ADGRL3: variants seen among roughly 807,000 people sequenced by gnomAD.
ADGRL3 encodes the protein calcium-independent alpha-latrotoxin receptor 3.
In ADGRL3, 62 loss-of-function variants were observed where a neutral mutation model predicts 153.5. The observed-to-expected ratio is 0.40, with a 90% CI of 0.33 to 0.50. The LOEUF (loss-of-function observed/expected upper bound fraction) is 0.50, where lower values mean the gene tolerates loss of function less well. Ranked by LOEUF, ADGRL3 falls within the 20% of genes least tolerant of loss-of-function variation. ADGRL3 has a pLI of 0.47. For missense variants in ADGRL3, 1,641 were observed against 1,859.4 expected (o/e 0.88, Z 2.16); for synonymous variants, 710 against 672.5 (o/e 1.06, Z -0.86).
intron 1 of ADGRL3, among the ~76,000 whole-genome samples, chr4:61,270,083 A>G (rs1271246618): frequency 9.2e-5 from 14 of 151,772 alleles, no homozygotes; most frequent in Admixed American, 9.2e-4. Context: ...TAATAGACAT[A>G]CTGATTTGTT....
At chr4:61,439,615 C>T (rs576620498) in intron 2 of ADGRL3, among the ~76,000 whole-genome samples, 1 of 152,196 alleles carries the variant, frequency 6.6e-6, no homozygotes, top group East Asian at 1.9e-4. Flanking sequence ...GCCCTCCAAC[C>T]CCCGACACGC....
At chr4:61,214,111 T>C (rs1213881102) in intron 1 of ADGRL3, among the ~76,000 whole-genome samples, 2 of 152,200 alleles carry the variant, frequency 1.3e-5, no homozygotes, top group Admixed American at 1.3e-4. Flanking sequence ...CTTTGGTTAT[T>C]CTTAAGAATT....
chr4:62,028,860 A>G lies in ADGRL3; in HGVS notation c.3401A>G (p.Glu1134Gly). The G allele has an allele frequency of 6.2e-7, 1 of 1,605,552 alleles. No homozygotes were observed. Among genetic ancestry groups the G allele is most frequent in the Non-Finnish European group, 8.5e-7 (1 of 1,175,206 alleles). The change falls in exon 22 of 27, where the codon GAG (glutamate) becomes GGG (glycine). Residue 1134 changes from glutamate (E) to glycine (G), a missense_variant. Around this residue, in one of 5 missense-constraint regions of ADGRL3, gnomAD observed 517 missense variants for 555.0 expected, o/e 0.93. Coordinates refer to ENST00000683033, the MANE Select transcript of ADGRL3 (RefSeq NM_001387552.1). ...ESGCLDNINY[E>G]DNRPFIKSWV... ...TATGTCTATGCATTCTTTAGCTATG[A>G]GGATAACAGACCCTTCATCAAGTAA...
At chr4:61,581,157 G>A (rs1397507548) in intron 4 of ADGRL3, among the ~76,000 whole-genome samples, 1 of 152,056 alleles carries the variant, frequency 6.6e-6, no homozygotes, top group Admixed American at 6.6e-5. Context: ...AGTACACCCT[G>A]AGAGATGATT....
At chr4:61,346,052 T>A (rs1054620274) in intron 1 of ADGRL3, among the ~76,000 whole-genome samples, 1 of 152,172 alleles carries the variant, frequency 6.6e-6, no homozygotes, top group Non-Finnish European at 1.5e-5. Flanking sequence ...TCACGGCATG[T>A]ATAATTAATA....
chr4:61,606,179 A>G (rs1579814389), intron 5 of ADGRL3, among the ~76,000 whole-genome samples: 1 of 152,190 alleles, frequency 6.6e-6, no homozygotes, highest in African/African-American at 2.4e-5. Flanking sequence ...CATGGGCTAA[A>G]GGGGAAGTAT....
chr4:61,206,924 A>G (rs1158884115), intron 1 of ADGRL3, among the ~76,000 whole-genome samples: 4 of 152,062 alleles, frequency 2.6e-5, no homozygotes, highest in African/African-American at 9.7e-5. Context: ...TAGAGGTTGC[A>G]GTGAGCCAAG....
At chr4:61,390,575 T>G (rs1213050434) in intron 2 of ADGRL3, among the ~76,000 whole-genome samples, 2 of 152,228 alleles carry the variant, frequency 1.3e-5, no homozygotes, top group Non-Finnish European at 2.9e-5. Flanking sequence ...TTAAATTTTT[T>G]GAGAACATAC....
intron 1 of ADGRL3, among the ~76,000 whole-genome samples, chr4:61,316,369 T>TCTAAG (rs557706711): frequency 6.0e-4 from 91 of 152,168 alleles, no homozygotes; most frequent in African/African-American, 2.1e-3. Context: ...ACAGGCAGGG[T>TCTAAG]CTAAATTAGG....
chr4:61,259,491 A>T (rs1161446091), intron 1 of ADGRL3, among the ~76,000 whole-genome samples: 6 of 151,998 alleles, frequency 3.9e-5, no homozygotes, highest in Non-Finnish European at 7.4e-5. Flanking sequence ...TTAATAGAAG[A>T]TCATTACTGC....
At chr4:61,681,843 T>C (rs890216927) in intron 6 of ADGRL3, among the ~76,000 whole-genome samples, 6 of 152,094 alleles carry the variant, frequency 3.9e-5, no homozygotes, top group African/African-American at 7.2e-5. Flanking sequence ...CTCATCGTGC[T>C]GAAATTAACT....
intron 1 of ADGRL3, among the ~76,000 whole-genome samples, chr4:61,225,530 T>C (rs59333969): frequency 0.16 from 24,810 of 152,120 alleles, 2,542 homozygotes; most frequent in East Asian, 0.48. Flanking sequence ...TTAACTATGA[T>C]TTAAATATGA....
intron 21 of ADGRL3, among the ~76,000 whole-genome samples, chr4:62,008,379 A>G (rs903047049): frequency 2.6e-5 from 4 of 152,152 alleles, no homozygotes; most frequent in Admixed American, 2.6e-4. Context: ...GCAAAAGAGT[A>G]TGGGGTATAG....
At chr4:61,789,762 A>C (rs2097320108) in intron 8 of ADGRL3, among the ~76,000 whole-genome samples, 1 of 152,184 alleles carries the variant, frequency 6.6e-6, no homozygotes. Flanking sequence ...ACTTTTGCCA[A>C]AATATGCTTA....
chr4:61,211,835 A>T (rs2148863539), intron 1 of ADGRL3: 1 of 152,356 alleles, frequency 6.6e-6, no homozygotes, highest in South Asian at 2.1e-4. Context: ...GCAGTGTGCC[A>T]TTTCTATCCT....
intron 23 of ADGRL3, 108 bp from the exon 24 acceptor site, chr4:62,037,623 C>T: frequency 8.6e-7 from 1 of 1,162,100 alleles, no homozygotes; most frequent in South Asian, 1.3e-5. Flanking sequence ...ATCTGTAGGG[C>T]AAGGAAATAA....
chr4:62,000,814 C>T (rs2099137828), intron 21 of ADGRL3, among the ~76,000 whole-genome samples: 2 of 151,514 alleles, frequency 1.3e-5, no homozygotes, highest in South Asian at 4.2e-4. Context: ...TAGAGTCTTG[C>T]TCTGTTGCCC....
intron 2 of ADGRL3, among the ~76,000 whole-genome samples, chr4:61,458,693 A>G (rs559808817): frequency 1.1e-4 from 16 of 151,608 alleles, no homozygotes; most frequent in Non-Finnish European, 2.1e-4. Flanking sequence ...AATCAACACA[A>G]ATTGTTTAGG....
chr4:61,849,452 C>A (rs960915192), intron 9 of ADGRL3, among the ~76,000 whole-genome samples: 1 of 151,844 alleles, frequency 6.6e-6, no homozygotes, highest in African/African-American at 2.4e-5. Flanking sequence ...TATGTGTTTT[C>A]TGCATTGTTT....
Sources: gnomAD v4.1 joint callset for allele counts (sites outside exome capture counted in the v4.1 genomes callset) on GRCh38, gnomAD v4.1.1 for gene constraint, gnomAD v4.1.1 regional missense constraint, MANE v1.5 for transcripts, NCBI Gene and HGNC (gene_info 2026-07-23, HGNC 2026-07-21) for gene names.